Variants in CNOT10 observed in about 807,000 individuals in gnomAD.
CNOT10 encodes the protein CCR4-NOT transcription complex subunit 10.
Under a neutral mutation model 94.6 loss-of-function variants are expected in CNOT10, and 30 were observed. That is an observed-to-expected ratio of 0.32 (90% CI 0.24 to 0.43). The LOEUF is 0.43. Among genes scored for constraint, CNOT10 ranks in the 20% least tolerant of loss-of-function variants. The pLI, the probability that CNOT10 is intolerant of heterozygous loss-of-function variation, is 1.00. For synonymous variants in CNOT10, 289 were observed against 301.6 expected (o/e 0.96, Z 0.43); for missense variants, 759 against 877.2 (o/e 0.87, Z 1.70).
intron 1 of CNOT10, among the ~76,000 whole-genome samples, chr3:32,690,892 C>T (rs1696820178): frequency 6.6e-6 from 1 of 151,942 alleles, no homozygotes; most frequent in South Asian, 2.1e-4. Context: ...ATTTCAAACA[C>T]CTAAAAAATT....
chr3:32,721,238 A>AT (rs1376519754), intron 8 of CNOT10, among the ~76,000 whole-genome samples: 1 of 149,342 alleles, frequency 6.7e-6, no homozygotes, highest in Non-Finnish European at 1.5e-5. Context: ...TAATTTTTGT[A>AT]TTTTTTGGTA....
At chr3:32,744,099 T>C (rs1358129559) in intron 13 of CNOT10, among the ~76,000 whole-genome samples, 1 of 152,086 alleles carries the variant, frequency 6.6e-6, no homozygotes, top group Non-Finnish European at 1.5e-5. Flanking sequence ...GTAAAAGAAT[T>C]GTGTCGTAAT....
chr3:32,704,096 A>G (rs1697500796), intron 2 of CNOT10, 134 bp downstream of exon 2: 1 of 540,646 alleles, frequency 1.8e-6, no homozygotes, highest in Non-Finnish European at 3.2e-6. Context: ...AAGTAGGTTT[A>G]ATTTTTAAAA....
rs1223715076 is a variant in CNOT10, at chr3:32,773,828, C to T, written c.*217C>T. ...TTCAGCCAGACTATTAATTTTGAGC[C>T]ATTATGTAATATATGCCATAGGCAA... On this transcript the variant is annotated 3_prime_UTR_variant, in exon 19 of 19. Transcript: ENST00000328834. 4.1e-6 allele frequency: 2 copies of T among 490,816 alleles called. No individual in the cohort carries two copies. The highest frequency in any genetic ancestry group is 7.1e-6 in the Non-Finnish European group (2 of 282,534). The allele number at this position is 490,816 out of a possible 1,614,324, so 30.4% of individuals were successfully genotyped here.
intron 13 of CNOT10, among the ~76,000 whole-genome samples, chr3:32,754,489 A>AAAAAAAGTAAAATAAAT (rs77878221): frequency 1.4e-5 from 1 of 70,214 alleles, no homozygotes; most frequent in African/African-American, 7.7e-5. Context: ...AAAAAAAAAA[A>AAAAAAAGTAAAATAAAT]ATACATATAT....
At chr3:32,741,508 G>A (rs764694631) in intron 13 of CNOT10, among the ~76,000 whole-genome samples, 6 of 152,028 alleles carry the variant, frequency 3.9e-5, no homozygotes, top group Admixed American at 2.0e-4. Flanking sequence ...GGTGGCTCAC[G>A]TCTGTAATCC....
At chr3:32,746,894 A>G (rs1250991229) in intron 13 of CNOT10, among the ~76,000 whole-genome samples, 1 of 149,520 alleles carries the variant, frequency 6.7e-6, no homozygotes, top group East Asian at 2.0e-4. Flanking sequence ...GCTGCTGCTG[A>G]TCTGACAGGA....
intron 8 of CNOT10, among the ~76,000 whole-genome samples, chr3:32,722,590 G>A (rs1698470605): frequency 6.6e-6 from 1 of 152,190 alleles, no homozygotes. Context: ...GGCCAAGGCA[G>A]GAGGACCAGG....
intron 1 of CNOT10, among the ~76,000 whole-genome samples, chr3:32,687,170 C>G (rs1051864730): frequency 6.6e-6 from 1 of 152,078 alleles, no homozygotes; most frequent in African/African-American, 2.4e-5. Flanking sequence ...TCATCTCCAT[C>G]TCATCTGCTG....
intron 13 of CNOT10, chr3:32,753,904 AAATT>A: frequency 2.3e-6 from 3 of 1,278,594 alleles, no homozygotes; most frequent in Non-Finnish European, 1.1e-6. Flanking sequence ...AGTACTAAAT[AAATT>A]AATTTGCTCT....
At chr3:32,705,467 C>A (rs767640277) in intron 3 of CNOT10, among the ~76,000 whole-genome samples, 1 of 152,088 alleles carries the variant, frequency 6.6e-6, no homozygotes, top group Non-Finnish European at 1.5e-5. Flanking sequence ...GGGCTGATAA[C>A]AGTGATGGTG....
At chr3:32,695,849 A>C (rs1697027312) in intron 1 of CNOT10, 4 of 1,512,868 alleles carry the variant, frequency 2.6e-6, no homozygotes, top group Non-Finnish European at 3.5e-6. Flanking sequence ...GTAGTTATAA[A>C]TAATAAATGT....
At chr3:32,708,924 ATTCAAAGAAAAG>A in intron 4 of CNOT10, 104 bp downstream of exon 4, 1 of 864,796 alleles carries the variant, frequency 1.2e-6, no homozygotes, top group Non-Finnish European at 1.7e-6. Flanking sequence ...CCATGCCAGT[ATTCAAAGAAAAG>A]CCGTATCAGC....
chr3:32,703,611 A>G (rs1342922387), intron 1 of CNOT10, among the ~76,000 whole-genome samples: 1 of 152,216 alleles, frequency 6.6e-6, no homozygotes, highest in African/African-American at 2.4e-5. Flanking sequence ...ATCTTATACA[A>G]CATGGAATGC....
rs770564474 is a variant in CNOT10 at position 32,773,606 on chromosome 3, A to G, written c.2230A>G (p.Lys744Glu). 6.2e-7 allele frequency: 1 copy of G among 1,605,640 alleles called. No individual in the cohort carries two copies. The highest frequency in any genetic ancestry group is 8.5e-7 in the Non-Finnish European group (1 of 1,177,036). The part of the protein sequence containing the change: ...QMPAFTTVQR[K>E] ...GCCGGCTTTCACCACTGTGCAGAGAAAGTGATACTTCACTTTTGGAAAACT... is the reference window on the plus strand; with the variant it reads ...GCCGGCTTTCACCACTGTGCAGAGAGAGTGATACTTCACTTTTGGAAAACT... Residue 744 changes from lysine (K) to glutamate (E), a missense_variant, in exon 19 of 19, where the codon AAG (lysine) becomes GAG (glutamate). By Grantham distance (56) the Lys-to-Glu change is moderately conservative. Transcript: ENST00000328834.
chr3:32,760,646 A>T (rs1186668599), intron 14 of CNOT10, among the ~76,000 whole-genome samples: 2 of 152,142 alleles, frequency 1.3e-5, no homozygotes, highest in Non-Finnish European at 2.9e-5. Context: ...AATAAAAATA[A>T]AATACAGCTT....
At chr3:32,710,824 G>A (rs1366760620) in intron 4 of CNOT10, among the ~76,000 whole-genome samples, 7 of 152,076 alleles carry the variant, frequency 4.6e-5, no homozygotes, top group South Asian at 2.1e-4. Context: ...AGGCCCAAGC[G>A]ATCCTCCCAC....
At chr3:32,765,013 T>C in intron 17 of CNOT10, 1 of 1,495,044 alleles carries the variant, frequency 6.7e-7, no homozygotes, top group Non-Finnish European at 8.9e-7. Context: ...AAGTTCTTCT[T>C]GATGATTTTA....
intron 12 of CNOT10, among the ~76,000 whole-genome samples, chr3:32,737,109 T>A (rs1220434756): frequency 6.6e-6 from 1 of 151,942 alleles, no homozygotes; most frequent in Non-Finnish European, 1.5e-5. Flanking sequence ...AGGTCGGGAG[T>A]TCGAGACCAG....
Sources: gnomAD v4.1 joint callset for allele counts (sites outside exome capture counted in the v4.1 genomes callset) on GRCh38, gnomAD v4.1.1 for gene constraint, MANE v1.5 for transcripts, NCBI Gene and HGNC (gene_info 2026-07-23, HGNC 2026-07-21) for gene names.